TSPAN8: variants seen among roughly 807,000 people sequenced by gnomAD.
TSPAN8 encodes the protein tetraspanin-8.
A neutral mutation model predicts 32.8 loss-of-function variants in TSPAN8; 21 were observed. The observed-to-expected ratio is 0.64, with a 90% CI of 0.45 to 0.92. The LOEUF (loss-of-function observed/expected upper bound fraction) is 0.92, where lower values mean the gene tolerates loss of function less well. Among genes scored for constraint, TSPAN8 ranks in the 40% least tolerant of loss-of-function variants. The probability of loss-of-function intolerance (pLI) is 0.00; values close to 1 mark genes in which losing one functional copy is unlikely to be tolerated. For synonymous variants in TSPAN8, 95 were observed against 94.6 expected (o/e 1.00, Z -0.03); for missense variants, 269 against 281.9 (o/e 0.95, Z 0.33).
At chr12:71,131,554 T>C (rs1255095008) in intron 7 of TSPAN8, among the ~76,000 whole-genome samples, 1 of 151,716 alleles carries the variant, frequency 6.6e-6, no homozygotes, top group Non-Finnish European at 1.5e-5. Flanking sequence ...GTATTATAGA[T>C]ATTAATATTA....
rs536957364 is a variant in TSPAN8, at chr12:71,139,193, G to A, written c.261+518C>T. The A allele has an allele frequency of 1.8e-4, 80 of 456,664 alleles. 2 individuals carry two copies. The highest frequency in any genetic ancestry group is 1.0e-3 in the African/African-American group (50 of 50,226). 28.3% of individuals were successfully genotyped at this position (456,664 alleles called of 1,614,324 possible). ...ATCATTTACTGGAAACAGTTTTGCC[G>A]GTCTCCTGCCATACCCAAGGCTTCT... On this transcript the variant is annotated intron_variant, in intron 4 of 8. Transcript: ENST00000247829.
chr12:71,157,657 T>A lies in TSPAN8; in HGVS notation c.22A>T (p.Ile8Leu). The A allele has an allele frequency of 6.2e-7, 1 of 1,613,784 alleles. No individual in the cohort carries two copies. The highest frequency in any genetic ancestry group is 8.5e-7 in the Non-Finnish European group (1 of 1,179,724). The change falls in exon 2 of 9, where the codon ATA becomes TTA. Residue 8 changes from isoleucine to leucine, a missense_variant. Physicochemically the swap from Ile to Leu is conservative, Grantham distance 5. Coordinates refer to ENST00000247829, the MANE Select transcript of TSPAN8 (RefSeq NM_004616.3). ...TTGAAGGTAAACATAGAATATTTTA[T>A]ACAGGCACTCACACCTGCCATTTCG... MAGVSAC[I>L]KYSMFTFNFL... is the part of the protein sequence containing the mutation.
In TSPAN8 at chr12:71,138,210, C is replaced by G; in HGVS notation, c.282G>C (p.Leu94=). The change falls in exon 5 of 9, where the codon CTG becomes CTC. Residue 94 remains leucine (L), a synonymous_variant. Transcript: ENST00000247829. ...CTGTCGCCACCTGCAGGAGCAGGAT[C>G]AGAAGCAAGCCTATGAAAAACTGAA... The part of the protein sequence containing the change: ...MLLLFFIGLL[L]ILLLQVATGI... 6.2e-7 allele frequency: 1 copy of G among 1,613,864 alleles called. No homozygotes were observed. The highest frequency in any genetic ancestry group is 2.2e-5 in the East Asian group (1 of 44,872).
At chr12:71,143,141 A>C (rs1871957875) in intron 3 of TSPAN8, among the ~76,000 whole-genome samples, 1 of 152,208 alleles carries the variant, frequency 6.6e-6, no homozygotes, top group Non-Finnish European at 1.5e-5. Context: ...GCAGTAGAAG[A>C]GGTGATCCTT....
intron 8 of TSPAN8, among the ~76,000 whole-genome samples, chr12:71,129,081 G>A (rs1350101015): frequency 6.6e-6 from 1 of 151,964 alleles, no homozygotes; most frequent in African/African-American, 2.4e-5. Context: ...TCTTTTTCCC[G>A]GTAGAGAGGT....
intron 6 of TSPAN8, among the ~76,000 whole-genome samples, chr12:71,137,461 G>A (rs549564931): frequency 3.9e-5 from 6 of 152,078 alleles, no homozygotes; most frequent in South Asian, 4.2e-4. Context: ...TGAGCCGGGC[G>A]TGGTGGCGCA....
At chr12:71,132,853 A>G (rs1268727110) in intron 6 of TSPAN8, 29 bp from the exon 7 acceptor site, 2 of 1,612,700 alleles carry the variant, frequency 1.2e-6, no homozygotes, top group Non-Finnish European at 1.7e-6. Flanking sequence ...AATGAGAAGC[A>G]GTCAGTAAGA....
chr12:71,151,842 AT>A (rs1304954145), intron 2 of TSPAN8, among the ~76,000 whole-genome samples: 3 of 152,238 alleles, frequency 2.0e-5, no homozygotes, highest in African/African-American at 7.2e-5. Flanking sequence ...GAGCAGGGAA[AT>A]TTGGGTCCTA....
intron 2 of TSPAN8, among the ~76,000 whole-genome samples, chr12:71,147,711 A>T (rs1398809406): frequency 6.6e-6 from 1 of 152,230 alleles, no homozygotes; most frequent in East Asian, 1.9e-4. Flanking sequence ...TGCAGACTGT[A>T]GGATTGTTAC....
chr12:71,154,354 A>AATCATCATC, intron 2 of TSPAN8, among the ~76,000 whole-genome samples: 2 of 145,350 alleles, frequency 1.4e-5, no homozygotes, highest in African/African-American at 5.1e-5. Flanking sequence ...TAATAATAAT[A>AATCATCATC]ATCAGAGCTC....
At chr12:71,154,170 C>A (rs1393134629) in intron 2 of TSPAN8, among the ~76,000 whole-genome samples, 1 of 151,866 alleles carries the variant, frequency 6.6e-6, no homozygotes, top group Non-Finnish European at 1.5e-5. Context: ...GTTAGCTGGG[C>A]ATGGTGGTGC....
intron 7 of TSPAN8, among the ~76,000 whole-genome samples, chr12:71,131,794 G>T (rs1314373622): frequency 2.6e-5 from 4 of 151,530 alleles, no homozygotes; most frequent in Non-Finnish European, 5.9e-5. Flanking sequence ...TGTTCTTCAT[G>T]AAGCCATATC....
chr12:71,144,749 C>G (rs1175621129), intron 2 of TSPAN8, among the ~76,000 whole-genome samples: 1 of 152,090 alleles, frequency 6.6e-6, no homozygotes, highest in Non-Finnish European at 1.5e-5. Flanking sequence ...ATAATCAACA[C>G]TTTTTGAACC....
intron 2 of TSPAN8, among the ~76,000 whole-genome samples, chr12:71,148,554 A>G (rs1389765034): frequency 6.6e-6 from 1 of 152,206 alleles, no homozygotes; most frequent in African/African-American, 2.4e-5. Flanking sequence ...GTATGTTTTC[A>G]GCTCCACAAA....
intron 3 of TSPAN8, among the ~76,000 whole-genome samples, chr12:71,140,644 C>G (rs149137934): frequency 6.6e-6 from 1 of 152,198 alleles, no homozygotes; most frequent in Non-Finnish European, 1.5e-5. Flanking sequence ...GGCTACCCAT[C>G]AGGCATAATT....
chr12:71,147,292 C>T (rs907815138), intron 2 of TSPAN8, among the ~76,000 whole-genome samples: 1 of 152,148 alleles, frequency 6.6e-6, no homozygotes, highest in Non-Finnish European at 1.5e-5. Context: ...AATGTGTCTC[C>T]AATCATCCCT....
At chr12:71,156,045 T>C (rs1307917485) in intron 2 of TSPAN8, among the ~76,000 whole-genome samples, 11 of 152,022 alleles carry the variant, frequency 7.2e-5, no homozygotes. Context: ...TTACATTTTT[T>C]CAAGAATTAT....
chr12:71,138,137 C>G lies in TSPAN8; in HGVS notation c.336+19G>C. 6.2e-7 allele frequency: 1 copy of G among 1,611,366 alleles called. No individual in the cohort carries two copies. The highest frequency in any genetic ancestry group is 8.5e-7 in the Non-Finnish European group (1 of 1,178,962). On this transcript the variant is annotated intron_variant, in intron 5 of 8. Coordinates refer to ENST00000247829, the MANE Select transcript of TSPAN8 (RefSeq NM_004616.3). ...ATTTTTCAAACTTCTTCAAAATTTT[C>G]AAACATCTGTGCACACACCTTAGAT... is the stretch of plus-strand genomic sequence containing the variant.
chr12:71,157,822 G>A, intron 1 of TSPAN8, 35 bp from the exon 2 acceptor site: 3 of 626,652 alleles, frequency 4.8e-6, no homozygotes, highest in South Asian at 2.1e-5. Context: ...AGAAGTAGAG[G>A]GAGGAATAAA....
Sources: gnomAD v4.1 joint callset for allele counts (sites outside exome capture counted in the v4.1 genomes callset) on GRCh38, gnomAD v4.1.1 for gene constraint, MANE v1.5 for transcripts, NCBI Gene and HGNC (gene_info 2026-07-23, HGNC 2026-07-21) for gene names.